MTUS1: variants seen among roughly 807,000 people sequenced by gnomAD.
MTUS1 encodes microtubule-associated tumor suppressor 1.
MTUS1 carries 109 observed loss-of-function variants against 120.8 expected under a neutral mutation model. That is an observed-to-expected ratio of 0.90 (90% CI 0.77 to 1.06). MTUS1 has a LOEUF of 1.06. MTUS1 is among the 50% of genes least tolerant of loss of function. The pLI is 0.00. For synonymous variants in MTUS1, 737 were observed against 550.5 expected, an observed-to-expected ratio of 1.34 and a Z score of -4.74; for missense variants, 2,210 against 1,486.3, an observed-to-expected ratio of 1.49 and a Z score of -8.01.
At chr8:17,762,512 A>G (rs2049121976) in intron 1 of MTUS1, among the ~76,000 whole-genome samples, 1 of 152,134 alleles carries the variant, frequency 6.6e-6, no homozygotes, top group African/African-American at 2.4e-5. Flanking sequence ...CTCAAGCACT[A>G]CGTTTAACGG....
chr8:17,677,849 C>G (rs1813437047), intron 7 of MTUS1, among the ~76,000 whole-genome samples: 1 of 152,188 alleles, frequency 6.6e-6, no homozygotes, highest in African/African-American at 2.4e-5. Flanking sequence ...AGACCATTTA[C>G]CCTTCTAAAT....
intron 13 of MTUS1, among the ~76,000 whole-genome samples, chr8:17,649,420 T>A (rs76365857): frequency 2.0e-5 from 3 of 152,158 alleles, no homozygotes; most frequent in Non-Finnish European, 4.4e-5. Context: ...ATAAATAGTA[T>A]TGCTATTCAT....
chr8:17,765,343 C>T (rs879767689), intron 1 of MTUS1, among the ~76,000 whole-genome samples: 1 of 152,074 alleles, frequency 6.6e-6, no homozygotes, highest in Non-Finnish European at 1.5e-5. Context: ...AACTAGCTGT[C>T]ATTGGCTGGG....
intron 1 of MTUS1, among the ~76,000 whole-genome samples, chr8:17,800,280 T>G (rs185774017): frequency 2.4e-4 from 37 of 152,292 alleles, no homozygotes; most frequent in African/African-American, 8.9e-4. Context: ...TGATTGACTT[T>G]CGATCACCTG....
intron 1 of MTUS1, among the ~76,000 whole-genome samples, chr8:17,784,594 G>C (rs2051146986): frequency 6.6e-6 from 1 of 151,694 alleles, no homozygotes; most frequent in Non-Finnish European, 1.5e-5. Flanking sequence ...CATATTAAGA[G>C]ACTTTCAAGA....
At chr8:17,709,596 T>G (rs73204286) in intron 6 of MTUS1, among the ~76,000 whole-genome samples, 5,086 of 152,216 alleles carry the variant, frequency 0.033, 121 homozygotes, top group Non-Finnish European at 0.052. Flanking sequence ...TATCACCCCA[T>G]AAGACACATG....
intron 1 of MTUS1, among the ~76,000 whole-genome samples, chr8:17,763,824 T>C (rs866655240): frequency 6.6e-6 from 1 of 152,224 alleles, no homozygotes; most frequent in Non-Finnish European, 1.5e-5. Context: ...GACAGCAGAA[T>C]GTGAGTGGAC....
At position 17,723,747 on chromosome 8, in the gene MTUS1, G is replaced by A. The variant is rs1040083916; in HGVS notation, c.2374C>T (p.Pro792Ser). Residue 792 changes from proline (P) to serine (S), a missense_variant, in exon 4 of 15, where the codon CCT (proline) becomes TCT (serine). Physicochemically the swap from Pro to Ser is moderately conservative, Grantham distance 74 (BLOSUM62 -1). Coordinates refer to ENST00000693296, the MANE Select transcript of MTUS1 (RefSeq NM_001363059.2). ...LPKSKASLKS[P>S]ALRRTGSTPS... The stretch of plus-strand genomic sequence containing the variant: ...GTGCTTCCTGTCCTCCGCAGCGCAG[G>A]ACTTTTCAAAGATGCTTTGGATTTA... 7.5e-6 allele frequency: 12 copies of A among 1,610,556 alleles called. No homozygotes were observed. Among genetic ancestry groups the A allele is most frequent in the Non-Finnish European group, 1.0e-5 (12 of 1,177,714 alleles).
At chr8:17,708,182 T>G (rs1820541875) in intron 6 of MTUS1, among the ~76,000 whole-genome samples, 1 of 152,116 alleles carries the variant, frequency 6.6e-6, no homozygotes, top group Admixed American at 6.5e-5. Flanking sequence ...ACCCAAGAAT[T>G]GGGAGAAAAT....
At chr8:17,711,811 A>C (rs1003383146) in intron 6 of MTUS1, among the ~76,000 whole-genome samples, 5 of 152,090 alleles carry the variant, frequency 3.3e-5, no homozygotes, top group African/African-American at 1.2e-4. Context: ...CTTTTCTTTC[A>C]CTTGAATATT....
At chr8:17,673,430 C>T (rs1204530764) in intron 8 of MTUS1, among the ~76,000 whole-genome samples, 1 of 152,164 alleles carries the variant, frequency 6.6e-6, no homozygotes, top group African/African-American at 2.4e-5. Flanking sequence ...CCTCACCTCC[C>T]ACTGGAAGGG....
intron 6 of MTUS1, among the ~76,000 whole-genome samples, chr8:17,699,771 G>C (rs1324518460): frequency 6.6e-6 from 1 of 152,172 alleles, no homozygotes; most frequent in African/African-American, 2.4e-5. Flanking sequence ...CCAAAGCAAG[G>C]GAGCTGCCTT....
chr8:17,775,528 G>A (rs2050354110), intron 1 of MTUS1, among the ~76,000 whole-genome samples: 1 of 152,208 alleles, frequency 6.6e-6, no homozygotes, highest in Admixed American at 6.5e-5. Flanking sequence ...TGGTCGCACA[G>A]AAAGCAGCCA....
intron 1 of MTUS1, among the ~76,000 whole-genome samples, chr8:17,798,751 G>A (rs1051551509): frequency 2.6e-5 from 4 of 151,956 alleles, no homozygotes; most frequent in Admixed American, 2.0e-4. Context: ...AGAAATTTGT[G>A]TATGTCAAAA....
chr8:17,789,546 G>C (rs1341634062), intron 1 of MTUS1, among the ~76,000 whole-genome samples: 1 of 152,092 alleles, frequency 6.6e-6, no homozygotes, highest in East Asian at 1.9e-4. Flanking sequence ...TTGGTGAAAA[G>C]GAAATAATTT....
At chr8:17,714,392 A>G (rs1821912925) in intron 5 of MTUS1, among the ~76,000 whole-genome samples, 1 of 152,330 alleles carries the variant, frequency 6.6e-6, no homozygotes, top group African/African-American at 2.4e-5. Context: ...GAAAGTTACT[A>G]ATAGATATTA....
At chr8:17,675,337 A>C in intron 7 of MTUS1, 85 bp from the exon 8 acceptor site, 1 of 1,224,742 alleles carries the variant, frequency 8.2e-7, no homozygotes, top group Non-Finnish European at 1.2e-6. Flanking sequence ...TAGGAAAATG[A>C]GACCCAGTAT....
intron 3 of MTUS1, among the ~76,000 whole-genome samples, chr8:17,738,307 C>T (rs757715595): frequency 6.6e-6 from 1 of 152,222 alleles, no homozygotes; most frequent in Non-Finnish European, 1.5e-5. Context: ...CACTCTCCCT[C>T]CTCAGCTCAC....
chr8:17,657,437 G>A (rs1233472531), intron 8 of MTUS1, among the ~76,000 whole-genome samples: 10 of 149,856 alleles, frequency 6.7e-5, no homozygotes, highest in East Asian at 2.0e-4. Flanking sequence ...GCGTAGTGAC[G>A]GGCGCCTGTA....
Sources: gnomAD v4.1 joint callset for allele counts (sites outside exome capture counted in the v4.1 genomes callset) on GRCh38, gnomAD v4.1.1 for gene constraint, MANE v1.5 for transcripts, NCBI Gene and HGNC (gene_info 2026-07-23, HGNC 2026-07-21) for gene names.